The following EXD3 variants were observed in gnomAD, a reference collection of about 807,000 sequenced individuals.
EXD3 encodes the protein exonuclease 3'-5' domain containing 3.
In EXD3, 92 loss-of-function variants were observed where a neutral mutation model predicts 98.0. The observed-to-expected ratio is 0.94, with a 90% CI of 0.79 to 1.12. The LOEUF (loss-of-function observed/expected upper bound fraction) is 1.12. EXD3 is among the 50% of genes most tolerant of loss of function. The pLI is 0.00. For missense variants in EXD3, 1,222 were observed against 1,191.6 expected (o/e 1.03, Z -0.38); for synonymous variants, 569 against 526.0 (o/e 1.08, Z -1.12).
Position 137,395,333 on chromosome 9 carries a change from C to T in EXD3, c.25G>A (p.Asp9Asn), listed in dbSNP as rs1198540339. The T allele has an allele frequency of 6.2e-6, 10 of 1,613,190 alleles. No homozygotes were observed. In the African/African-American group the frequency reaches 9.3e-5, roughly 15 times the overall value. The change falls in exon 2 of 22, where the codon GAC (aspartate) becomes AAC (asparagine). Residue 9 changes from aspartate (D) to asparagine (N), a missense_variant. Asp to Asn is a conservative substitution (Grantham distance 23). Transcript: ENST00000340951. The surrounding 1 kb of genome is among the most constrained non-coding windows in gnomAD (Gnocchi z 6.5). MDPGDPAG[D>N]PAAGERHRMG... ...CGGTGGCGCTCGCCAGCGGCAGGGT[C>T]ACCAGCGGGATCTCCTGGGTCCATC...
chr9:137,383,490 C>T (rs28464426), intron 2 of EXD3, 113 bp from the exon 3 acceptor site: 22 of 751,240 alleles, frequency 2.9e-5, no homozygotes, highest in East Asian at 6.2e-5. Flanking sequence ...CCTCTGGACC[C>T]GGGGGGCCGG....
chr9:137,373,677 GT>G (rs34481427), intron 3 of EXD3, 78 bp from the exon 4 acceptor site: 23 of 1,423,984 alleles, frequency 1.6e-5, no homozygotes, highest in Non-Finnish European at 2.1e-5. Context: ...CCGCAGAGAG[GT>G]TTTTTAAAAT....
chr9:137,317,960 C>A (rs1271410011), intron 19 of EXD3, among the ~76,000 whole-genome samples: 1 of 152,132 alleles, frequency 6.6e-6, no homozygotes, highest in Non-Finnish European at 1.5e-5. Flanking sequence ...GGGGTCTGGG[C>A]TGAGACGGAC....
At chr9:137,311,288 C>T (rs2119047417) in intron 19 of EXD3, among the ~76,000 whole-genome samples, 1 of 152,326 alleles carries the variant, frequency 6.6e-6, no homozygotes, top group Middle Eastern at 3.4e-3. Context: ...GATCTGGGTC[C>T]AGCAGGCTTC....
intron 8 of EXD3, among the ~76,000 whole-genome samples, chr9:137,355,519 AAGGAGGATGGAGG>A (rs1366500168): frequency 2.2e-4 from 30 of 135,568 alleles, no homozygotes; most frequent in African/African-American, 7.3e-4. Flanking sequence ...AGGAAGGAGG[AAGGAGGATGGAGG>A]AAGGAGGAAG....
chr9:137,389,822 T>C (rs749511369), intron 2 of EXD3, among the ~76,000 whole-genome samples: 3 of 152,124 alleles, frequency 2.0e-5, no homozygotes, highest in Non-Finnish European at 4.4e-5. Context: ...ATGAAATGCC[T>C]ATTTTTAAAA....
intron 14 of EXD3, among the ~76,000 whole-genome samples, chr9:137,350,828 G>T (rs991424329): frequency 6.6e-6 from 1 of 152,086 alleles, no homozygotes; most frequent in Non-Finnish European, 1.5e-5. Flanking sequence ...GGGGCTCAGG[G>T]ATGCCTGCAC....
intron 3 of EXD3, among the ~76,000 whole-genome samples, chr9:137,376,429 T>C (rs1344926608): frequency 6.8e-6 from 1 of 147,420 alleles, no homozygotes; most frequent in Admixed American, 6.8e-5. Context: ...GGCAAGCTCA[T>C]CTATCCATGT....
At chr9:137,382,557 A>T (rs1836369983) in intron 3 of EXD3, among the ~76,000 whole-genome samples, 1 of 152,174 alleles carries the variant, frequency 6.6e-6, no homozygotes, top group African/African-American at 2.4e-5. Context: ...GAGGCCCAAG[A>T]AGCCACCGAG....
At chr9:137,422,001 A>G (rs977953007) in intron 1 of EXD3, among the ~76,000 whole-genome samples, 2 of 152,170 alleles carry the variant, frequency 1.3e-5, no homozygotes, top group East Asian at 1.9e-4. Context: ...TGGTGTTTCT[A>G]AAAACTAGAG....
chr9:137,365,750 A>G (rs895114756), intron 7 of EXD3: 7 of 323,390 alleles, frequency 2.2e-5, no homozygotes, highest in Non-Finnish European at 4.2e-5. Flanking sequence ...GCACACACAT[A>G]CATGCACACA....
At chr9:137,376,464 G>C (rs896139843) in intron 3 of EXD3, among the ~76,000 whole-genome samples, 1 of 150,538 alleles carries the variant, frequency 6.6e-6, no homozygotes, top group Non-Finnish European at 1.5e-5. Context: ...AGCAGAACTC[G>C]CCTGCAGGAG....
rs996509869 is a variant in EXD3 at position 137,371,237 on chromosome 9, A to G, written c.462+1668T>C. ...CTGCCTCCCTGCACTCTCCGCAGGC[A>G]CGGCCGCCATTCAGCGTCGCGCCAC... On this transcript the variant is annotated intron_variant, in intron 5 of 21. Transcript: ENST00000340951. This position sits in a 1 kb window ranked among gnomAD's most constrained non-coding sequence, Gnocchi z 8.0. Among the ~76,000 whole-genome samples the G allele has an allele frequency of 2.6e-5, 4 of 152,170 alleles. No individual in the cohort carries two copies. Among genetic ancestry groups the G allele is most frequent in the African/African-American group, 9.7e-5 (4 of 41,446 alleles).
intron 7 of EXD3, among the ~76,000 whole-genome samples, chr9:137,357,744 G>GTATATATATATGTGTA: frequency 6.8e-6 from 1 of 147,150 alleles, no homozygotes; most frequent in South Asian, 2.1e-4. Flanking sequence ...ATATATATGT[G>GTATATATATATGTGTA]TATATATATA....
chr9:137,355,249 C>T (rs951025740), intron 8 of EXD3, among the ~76,000 whole-genome samples: 11 of 152,130 alleles, frequency 7.2e-5, no homozygotes, highest in African/African-American at 1.9e-4. Flanking sequence ...GAGGGGGCCC[C>T]GGGGAGGGCA....
chr9:137,381,750 T>C (rs1836283813), intron 3 of EXD3, among the ~76,000 whole-genome samples: 1 of 152,196 alleles, frequency 6.6e-6, no homozygotes, highest in African/African-American at 2.4e-5. Flanking sequence ...CCGGCGTCTG[T>C]GCCACCATAT....
rs1834952843 is a variant in EXD3 at position 137,359,870 on chromosome 9, A to T, written c.657-3502T>A. Among the ~76,000 whole-genome samples, 2 of 86,254 alleles carry T rather than the reference A, an allele frequency of 2.3e-5. 1 individual carries two copies. Among genetic ancestry groups the T allele is most frequent in the Non-Finnish European group, 5.7e-5 (2 of 35,108 alleles). The allele number at this position is 86,254 out of a possible 152,430, so 56.6% of individuals were successfully genotyped here. A position where few individuals can be genotyped will look rare whatever the true frequency, so the allele number is the denominator to read the frequency against. On this transcript the variant is annotated intron_variant, in intron 7 of 21. Coordinates refer to ENST00000340951, the MANE Select transcript of EXD3 (RefSeq NM_017820.5). ...TGATGATTAAGCTGCCATGACTGCG[A>T]TCTTTTGTGGATAATGAGCTCATTT...
In EXD3 at chr9:137,395,255, T is replaced by TC; in HGVS notation, c.55+47dup. ...CACCCCCCATGCACACCCACGCACC[T>TC]CCCCCCACAGCCCCAGGGAGACTCG... On this transcript the variant is annotated intron_variant, in intron 2 of 21. Coordinates refer to ENST00000340951, the MANE Select transcript of EXD3 (RefSeq NM_017820.5). The surrounding 1 kb of genome is among the most constrained non-coding windows in gnomAD (Gnocchi z 6.5). 7.6e-7 allele frequency: 1 copy of TC among 1,321,628 alleles called. No individual in the cohort carries two copies. The allele number at this position is 1,321,628 out of a possible 1,614,324, so 81.9% of individuals were successfully genotyped here. A position where few individuals can be genotyped will look rare whatever the true frequency, so the allele number is the denominator to read the frequency against.
chr9:137,365,831 TACAC>T (rs1835214759), intron 7 of EXD3: 11 of 336,638 alleles, frequency 3.3e-5, no homozygotes, highest in Non-Finnish European at 4.6e-5. Flanking sequence ...CACGCAGACA[TACAC>T]ACCTGCACAA....
Sources: allele counts gnomAD v4.1 joint callset (sites outside exome capture counted in the v4.1 genomes callset), GRCh38; gene constraint gnomAD v4.1.1; non-coding constraint Gnocchi (gnomAD v3.1); transcripts MANE v1.5; gene names NCBI Gene and HGNC (gene_info 2026-07-23, HGNC 2026-07-21).